The following VPS4B variants were observed in gnomAD, a reference collection of about 807,000 sequenced individuals.
The protein encoded by VPS4B is vacuolar protein sorting-associated protein 4B.
A neutral mutation model predicts 56.1 loss-of-function variants in VPS4B; 23 were observed. The ratio of observed to expected loss-of-function variants is 0.41; its 90% CI spans 0.30 to 0.58. The LOEUF (loss-of-function observed/expected upper bound fraction) is 0.58. Among genes scored for constraint, VPS4B ranks in the 20% least tolerant of loss-of-function variants. VPS4B has a pLI of 0.29. For synonymous variants in VPS4B, 177 were observed against 186.0 expected (o/e 0.95, Z 0.39); for missense variants, 372 against 531.9 (o/e 0.70, Z 2.96).
intron 1 of VPS4B, among the ~76,000 whole-genome samples, chr18:63,412,366 T>G (rs911102879): frequency 6.6e-6 from 1 of 151,292 alleles, no homozygotes; most frequent in Admixed American, 6.6e-5. Context: ...TTAAACAGAG[T>G]TTATCTTTGA....
At chr18:63,393,928 G>A (rs1322998950) in intron 9 of VPS4B, among the ~76,000 whole-genome samples, 2 of 151,860 alleles carry the variant, frequency 1.3e-5, no homozygotes, top group African/African-American at 4.8e-5. Context: ...TAGGAGAGAC[G>A]GGGTTTCACC....
intron 1 of VPS4B, among the ~76,000 whole-genome samples, chr18:63,419,994 G>T (rs1686384626): frequency 6.6e-6 from 1 of 152,208 alleles, no homozygotes; most frequent in Admixed American, 6.5e-5. Context: ...TCCTAGGTTA[G>T]AAGGTTGAAA....
chr18:63,407,283 A>T, intron 4 of VPS4B, 149 bp downstream of exon 4: 2 of 688,656 alleles, frequency 2.9e-6, no homozygotes, highest in Non-Finnish European at 4.8e-6. Context: ...AAAACACTCT[A>T]AACAAAGCCA....
At chr18:63,402,407 G>A (rs915162228) in intron 5 of VPS4B, among the ~76,000 whole-genome samples, 6 of 152,112 alleles carry the variant, frequency 3.9e-5, no homozygotes, top group African/African-American at 4.8e-5. Flanking sequence ...ATGACCTCTC[G>A]GGAGGAATGA....
Position 63,397,133 on chromosome 18 carries a change from C to A in VPS4B, c.993G>T (p.Arg331Ser). The A allele has an allele frequency of 6.2e-7, 1 of 1,614,174 alleles. No homozygotes were observed. The highest frequency in any genetic ancestry group is 8.5e-7 in the Non-Finnish European group (1 of 1,180,044). Residue 331 changes from arginine to serine, a missense_variant, in exon 9 of 11, where the codon AGG (arginine) becomes AGT (serine). Physicochemically the swap from Arg to Ser is moderately radical, Grantham distance 110. Transcript: ENST00000238497. ...CTGCCCCTGAATAACCATCTGTTTTCCTCCCAAGTTCCCGAAAGTCTGCTT... is the reference window on the plus strand; with the variant it reads ...CTGCCCCTGAATAACCATCTGTTTTACTCCCAAGTTCCCGAAAGTCTGCTT... ...LTEADFRELG[R>S]KTDGYSGADI...
chr18:63,407,657 TAAG>T (rs1446914755), intron 3 of VPS4B, among the ~76,000 whole-genome samples, 158 bp from the exon 4 acceptor site: 8 of 152,132 alleles, frequency 5.3e-5, no homozygotes, highest in African/African-American at 1.7e-4. Flanking sequence ...ATGTAGTAAA[TAAG>T]AAGCAGTCAC....
intron 1 of VPS4B, among the ~76,000 whole-genome samples, chr18:63,413,245 G>A (rs946679224): frequency 9.2e-5 from 14 of 152,188 alleles, no homozygotes; most frequent in Admixed American, 9.2e-4. Flanking sequence ...CAGACAACTG[G>A]ATAAAGGGAA....
At chr18:63,402,894 T>G (rs1266880778) in intron 5 of VPS4B, among the ~76,000 whole-genome samples, 2 of 152,200 alleles carry the variant, frequency 1.3e-5, no homozygotes, top group African/African-American at 4.8e-5. Context: ...GAGGCCAACA[T>G]TGCAGATTTG....
At chr18:63,413,537 T>G (rs868476703) in intron 1 of VPS4B, among the ~76,000 whole-genome samples, 2 of 90,706 alleles carry the variant, frequency 2.2e-5, no homozygotes, top group Middle Eastern at 7.0e-3. Flanking sequence ...AGACTCCACC[T>G]CAAAAAAAAA....
intron 1 of VPS4B, among the ~76,000 whole-genome samples, chr18:63,418,789 T>C (rs1387043966): frequency 6.6e-6 from 1 of 152,220 alleles, no homozygotes; most frequent in Non-Finnish European, 1.5e-5. Flanking sequence ...AACGTGGTCT[T>C]TGTTTTGCCT....
chr18:63,393,488 G>C lies in VPS4B; in HGVS notation c.1154C>G (p.Ser385Cys), dbSNP rs1033915095. ...HLVDDLLTPC[S>C]PGDPGAIEMT... is the part of the protein sequence containing the mutation. ...TTCAATGGCACCAGGGTCACCTGGA[G>C]AGCAAGGTGTTAGCAGATCATCTAC... Residue 385 changes from serine (S) to cysteine (C), a missense_variant, in exon 10 of 11, where the codon TCT becomes TGT. By Grantham distance (112) the Ser-to-Cys change is moderately radical. Transcript: ENST00000238497. The C allele has an allele frequency of 2.7e-5, 43 of 1,612,878 alleles. No individual in the cohort carries two copies. Among genetic ancestry groups the C allele is most frequent in the Non-Finnish European group, 3.6e-5 (42 of 1,179,504 alleles).
chr18:63,413,670 T>A (rs562189347), intron 1 of VPS4B, among the ~76,000 whole-genome samples: 3 of 151,074 alleles, frequency 2.0e-5, no homozygotes, highest in African/African-American at 7.3e-5. Flanking sequence ...TAAAAAAAAA[T>A]GAAAATTGAC....
chr18:63,410,886 C>G (rs1056386569), intron 2 of VPS4B, among the ~76,000 whole-genome samples: 21 of 152,162 alleles, frequency 1.4e-4, no homozygotes, highest in African/African-American at 5.1e-4. Context: ...ATGGAAATCC[C>G]ATATATTCTG....
chr18:63,409,085 G>T lies in VPS4B; in HGVS notation c.296+1205C>A, dbSNP rs566625052. Among the ~76,000 whole-genome samples, 9 of 152,330 alleles carry T rather than the reference G, an allele frequency of 5.9e-5. No homozygotes were observed. In the South Asian group the frequency reaches 1.9e-3, roughly 32 times the overall value. On this transcript the variant is annotated intron_variant, in intron 3 of 10. Coordinates refer to ENST00000238497, the MANE Select transcript of VPS4B (RefSeq NM_004869.4). ...ACCCTAAGTTGGAATTCAGTAATTT[G>T]TAAGATCAGACTATCATCTGATTTT...
chr18:63,402,015 C>T (rs1261853623), intron 5 of VPS4B, among the ~76,000 whole-genome samples: 1 of 151,732 alleles, frequency 6.6e-6, no homozygotes, highest in East Asian at 1.9e-4. Context: ...CAAAACAAAA[C>T]AAAACAAAAA....
intron 8 of VPS4B, among the ~76,000 whole-genome samples, chr18:63,398,223 A>ATATT (rs1417888830): frequency 8.1e-4 from 37 of 45,730 alleles, no homozygotes; most frequent in African/African-American, 2.6e-3. Context: ...ATATATATAT[A>ATATT]TTTTTTTTTG....
intron 2 of VPS4B, 118 bp downstream of exon 2, chr18:63,411,349 T>A: frequency 1.4e-6 from 1 of 701,342 alleles, no homozygotes; most frequent in Non-Finnish European, 2.0e-6. Flanking sequence ...GAGTATTTTT[T>A]TTTTTTAACA....
intron 9 of VPS4B, chr18:63,396,425 G>C (rs1412265259): frequency 2.6e-5 from 4 of 152,208 alleles, no homozygotes; most frequent in Admixed American, 2.0e-4. Context: ...GCTAATTTTT[G>C]TATTTTTTAC....
In VPS4B at chr18:63,393,420, C is replaced by A. The variant is rs746914721; in HGVS notation, c.1222G>T (p.Val408Phe). 5 of 1,594,686 alleles carry A rather than the reference C, an allele frequency of 3.1e-6. No individual in the cohort carries two copies. In the Admixed American group the frequency reaches 9.0e-5, roughly 29 times the overall value. The change falls in exon 10 of 11, where the codon GTT becomes TTT. Residue 408 changes from valine to phenylalanine, a missense_variant. Val to Phe is a conservative substitution (Grantham distance 50). Coordinates refer to ENST00000238497, the MANE Select transcript of VPS4B (RefSeq NM_004869.4). ...DVPGDKLLEP[V>F]VSMSDMLRSL... is the part of the protein sequence containing the mutation. ...ACAAAATTTCAAACCATGGAAACAA[C>A]TGGCTCCAAAAGTTTATCTCCAGGG...
Sources: allele counts gnomAD v4.1 joint callset (sites outside exome capture counted in the v4.1 genomes callset), GRCh38; gene constraint gnomAD v4.1.1; transcripts MANE v1.5; gene names NCBI Gene and HGNC (gene_info 2026-07-23, HGNC 2026-07-21).